Variants in ZSCAN30 observed in about 807,000 individuals in gnomAD.
ZSCAN30 encodes the protein zinc finger and SCAN domain-containing protein 30.
A neutral mutation model predicts 44.3 loss-of-function variants in ZSCAN30; 37 were observed. That is an observed-to-expected ratio of 0.84 (90% CI 0.64 to 1.10). The LOEUF (loss-of-function observed/expected upper bound fraction) is 1.10, where lower values mean the gene tolerates loss of function less well. Ranked by LOEUF, ZSCAN30 falls within the 50% of genes least tolerant of loss-of-function variation. ZSCAN30 has a pLI of 0.00. For synonymous variants in ZSCAN30, 181 were observed against 204.6 expected, an observed-to-expected ratio of 0.88 and a Z score of 0.98; for missense variants, 549 against 582.6, an observed-to-expected ratio of 0.94 and a Z score of 0.59.
At position 35,253,953 on chromosome 18, in the gene ZSCAN30, G is replaced by T. The variant is rs748747227; in HGVS notation, c.982C>A (p.Pro328Thr). 7.4e-6 allele frequency: 12 copies of T among 1,614,024 alleles called. No homozygotes were observed. Among genetic ancestry groups the T allele is most frequent in the Non-Finnish European group, 1.0e-5 (12 of 1,179,996 alleles). Residue 328 changes from proline (P) to threonine (T), a missense_variant, in exon 4 of 4, where the codon CCT becomes ACT. By Grantham distance (38) the Pro-to-Thr change is conservative. Transcript: ENST00000333206. The stretch of plus-strand genomic sequence containing the variant: ...TTGCCACATTCTTTACATGCATAAG[G>T]TCTCTCTCCAGTATGAATTCTCTGA... ...RHQRIHTGER[P>T]YACKECGKAF...
In ZSCAN30 at chr18:35,251,232, A is replaced by T. The variant is rs2043581597; in HGVS notation, c.*2218T>A. The stretch of plus-strand genomic sequence containing the variant: ...CTAATAGAAAGTACTCCAAAATGTT[A>T]ACAACGTTTCTATGGGCATTGGGAT... On this transcript the variant is annotated 3_prime_UTR_variant, in exon 4 of 4. Coordinates refer to ENST00000333206, the MANE Select transcript of ZSCAN30 (RefSeq NM_001112734.4). The T allele has an allele frequency of 6.6e-6, 1 of 152,224 alleles. No individual in the cohort carries two copies. The highest frequency in any genetic ancestry group is 2.4e-5 in the African/African-American group (1 of 41,464). The allele number at this position is 152,224 out of a possible 1,614,324, so 9.4% of individuals were successfully genotyped here.
chr18:35,287,214 AT>A (rs1317872526), intron 1 of ZSCAN30, among the ~76,000 whole-genome samples: 1 of 152,200 alleles, frequency 6.6e-6, no homozygotes, highest in Non-Finnish European at 1.5e-5. Flanking sequence ...AGATGACTCA[AT>A]ATTGCTTTAA....
intron 1 of ZSCAN30, chr18:35,283,413 C>T (rs1348190296): frequency 6.6e-6 from 1 of 152,258 alleles, no homozygotes; most frequent in Non-Finnish European, 1.5e-5. Context: ...GCCAGTGGTG[C>T]CTTTGCCTGA....
chr18:35,252,291 A>T lies in ZSCAN30; in HGVS notation c.*1159T>A, dbSNP rs190191630. 2 of 152,228 alleles carry T rather than the reference A, an allele frequency of 1.3e-5. No homozygotes were observed. The highest frequency in any genetic ancestry group is 4.8e-5 in the African/African-American group (2 of 41,450). 9.4% of individuals were successfully genotyped at this position (152,228 alleles called of 1,614,324 possible). A position where few individuals can be genotyped will look rare whatever the true frequency, so the allele number is the denominator to read the frequency against. On this transcript the variant is annotated 3_prime_UTR_variant, in exon 4 of 4. Coordinates refer to ENST00000333206, the MANE Select transcript of ZSCAN30 (RefSeq NM_001112734.4). The stretch of plus-strand genomic sequence containing the variant: ...ATGTATATACACAGGGAAAGAATGC[A>T]TATCAGAGGCTAGAGAGACAGTGGG...
chr18:35,282,697 T>C (rs1291056516), intron 1 of ZSCAN30: 1 of 152,256 alleles, frequency 6.6e-6, no homozygotes, highest in Non-Finnish European at 1.5e-5. Context: ...CTCCAACTCC[T>C]GGCCTATGTA....
intron 3 of ZSCAN30, 49 bp downstream of exon 3, chr18:35,263,464 G>C: frequency 6.2e-7 from 1 of 1,608,062 alleles, no homozygotes; most frequent in Non-Finnish European, 8.5e-7. Context: ...TGCCACAGTT[G>C]ATAGCTCTCA....
intron 1 of ZSCAN30, among the ~76,000 whole-genome samples, chr18:35,270,864 T>C (rs8083322): frequency 0.055 from 8,445 of 152,314 alleles, 476 homozygotes; most frequent in African/African-American, 0.14. Flanking sequence ...TGTTCGGACA[T>C]GTTCAGAGTT....
At chr18:35,263,791 G>T in intron 2 of ZSCAN30, 134 bp from the exon 3 acceptor site, 1 of 1,372,938 alleles carries the variant, frequency 7.3e-7, no homozygotes, top group Non-Finnish European at 9.9e-7. Flanking sequence ...GACCTTAAGA[G>T]CCCTAGTGAC....
intron 1 of ZSCAN30, among the ~76,000 whole-genome samples, chr18:35,280,227 G>C (rs1342510615): frequency 6.7e-6 from 1 of 150,180 alleles, no homozygotes; most frequent in Non-Finnish European, 1.5e-5. Flanking sequence ...AGTGAGCTGT[G>C]ATCACACCAC....
chr18:35,277,383 G>A (rs941940219), intron 1 of ZSCAN30, among the ~76,000 whole-genome samples: 2 of 152,072 alleles, frequency 1.3e-5, no homozygotes, highest in African/African-American at 2.4e-5. Context: ...ATTTGGCTGC[G>A]TCCCCACCCA....
Position 35,264,176 on chromosome 18 carries a change from G to A in ZSCAN30, c.177C>T (p.Ser59=). ...GGCTCAGAGCCTCCCGAGGGCCAGTGGAGTCAGAGTAACTAAACTGCCTGA... is the reference window on the plus strand; with the variant it reads ...GGCTCAGAGCCTCCCGAGGGCCAGTAGAGTCAGAGTAACTAAACTGCCTGA... ...QKFRQFSYSD[S]TGPREALSRL... is the part of the protein sequence containing the mutation. Residue 59 remains serine (S), a synonymous_variant, in exon 2 of 4, where the codon TCC becomes TCT. Coordinates refer to ENST00000333206, the MANE Select transcript of ZSCAN30 (RefSeq NM_001112734.4). The A allele has an allele frequency of 6.2e-7, 1 of 1,614,224 alleles. No individual in the cohort carries two copies. The highest frequency in any genetic ancestry group is 2.2e-5 in the East Asian group (1 of 44,890).
Position 35,264,335 on chromosome 18 carries a change from T to G in ZSCAN30, c.18A>C (p.Thr6=), listed in dbSNP as rs2044101825. ...CTTCTGGAGCATGGTAGGCCAAGAC[T>G]GTGGCCTCTCCTGACATTCTGGGCA... MSGEA[T]VLAYHAPEEQ... The change falls in exon 2 of 4, where the codon ACA becomes ACC. Residue 6 remains threonine (T), a synonymous_variant. Coordinates refer to ENST00000333206, the MANE Select transcript of ZSCAN30 (RefSeq NM_001112734.4). 6.2e-7 allele frequency: 1 copy of G among 1,613,208 alleles called. No individual in the cohort carries two copies. Among genetic ancestry groups the G allele is most frequent in the African/African-American group, 1.3e-5 (1 of 74,876 alleles).
chr18:35,263,774 A>G, intron 2 of ZSCAN30, 117 bp from the exon 3 acceptor site: 2 of 1,419,692 alleles, frequency 1.4e-6, no homozygotes, highest in South Asian at 2.7e-5. Context: ...AGAGAGAAAA[A>G]AAACAGGACC....
At chr18:35,280,333 AAGAG>A (rs1034807194) in intron 1 of ZSCAN30, among the ~76,000 whole-genome samples, 1 of 151,824 alleles carries the variant, frequency 6.6e-6, no homozygotes, top group Admixed American at 6.6e-5. Context: ...CATTTATAAA[AAGAG>A]AGAGAGAGGC....
At chr18:35,289,209 C>T (rs1318846555) in intron 1 of ZSCAN30, 1 of 152,186 alleles carries the variant, frequency 6.6e-6, no homozygotes, top group Non-Finnish European at 1.5e-5. Flanking sequence ...CTCCTGATCT[C>T]AGGTGATCCA....
At chr18:35,263,448 G>A in intron 3 of ZSCAN30, 65 bp downstream of exon 3, 1 of 1,589,198 alleles carries the variant, frequency 6.3e-7, no homozygotes, top group Non-Finnish European at 8.6e-7. Flanking sequence ...TTAAGAAAAT[G>A]AACCGTGCCA....
At chr18:35,268,912 G>C (rs1025630185) in intron 1 of ZSCAN30, 1 of 152,244 alleles carries the variant, frequency 6.6e-6, no homozygotes. Context: ...TGGAAGAAAA[G>C]AGATACAGCT....
Position 35,253,678 on chromosome 18 carries a change from A to G in ZSCAN30, c.1257T>C (p.Gly419=). The G allele has an allele frequency of 6.2e-7, 1 of 1,614,072 alleles. No individual in the cohort carries two copies. The highest frequency in any genetic ancestry group is 8.5e-7 in the Non-Finnish European group (1 of 1,179,998). ...GDKSYECIAC[G]KAFGRSSILI... is the part of the protein sequence containing the mutation. ...GGATAGAACTCCTACCAAAAGCCTT[A>G]CCACATGCAATACATTCATAGCTTT... is the stretch of plus-strand genomic sequence containing the variant. The change falls in exon 4 of 4, where the codon GGT becomes GGC. Residue 419 remains glycine (G), a synonymous_variant. Coordinates refer to ENST00000333206, the MANE Select transcript of ZSCAN30 (RefSeq NM_001112734.4).
In ZSCAN30 at chr18:35,287,634, A is replaced by G. The variant is rs1347063426; in HGVS notation, c.-104+2450T>C. 2.6e-5 allele frequency among the ~76,000 whole-genome samples: 4 copies of G among 151,996 alleles called. No homozygotes were observed. The East Asian group carries it at 7.7e-4, about 29-fold the overall frequency. On this transcript the variant is annotated intron_variant, in intron 1 of 3. Transcript: ENST00000333206. ...AAATCTCAGAGTTGTATGGGTAGAA[A>G]CAAATTAATTCCAGATGGATCAGAG...
Sources: gnomAD v4.1 joint callset for allele counts (sites outside exome capture counted in the v4.1 genomes callset) on GRCh38, gnomAD v4.1.1 for gene constraint, MANE v1.5 for transcripts, NCBI Gene and HGNC (gene_info 2026-07-23, HGNC 2026-07-21) for gene names.